TMEM106B: variants seen among roughly 807,000 people sequenced by gnomAD.
TMEM106B encodes the protein transmembrane protein 106B.
A neutral mutation model predicts 31.1 loss-of-function variants in TMEM106B; 15 were observed. The observed-to-expected ratio is 0.48, with a 90% confidence interval of 0.32 to 0.74. The LOEUF (loss-of-function observed/expected upper bound fraction) is 0.74. Among genes scored for constraint, TMEM106B ranks in the 30% least tolerant of loss-of-function variants. The probability of loss-of-function intolerance (pLI) is 0.03; values close to 1 mark genes in which losing one functional copy is unlikely to be tolerated. For missense variants in TMEM106B, 283 were observed against 327.3 expected (o/e 0.86, Z 1.04); for synonymous variants, 126 against 112.5 (o/e 1.12, Z -0.76).
At position 12,232,057 on chromosome 7, in the gene TMEM106B, G is replaced by T. The variant is rs1782036957; in HGVS notation, c.*82G>T. 2.9e-6 allele frequency: 4 copies of T among 1,376,854 alleles called. No individual in the cohort carries two copies. In the South Asian group the frequency reaches 6.2e-5, roughly 21 times the overall value. The allele number at this position is 1,376,854 out of a possible 1,614,324, so 85.3% of individuals were successfully genotyped here. Reference sequence around the variant, plus strand: ...AATGAAGAGGTATTTCCTAATAGGAGACCTTAAATTGAACAAACCTAAAGT... The same window carrying T: ...AATGAAGAGGTATTTCCTAATAGGATACCTTAAATTGAACAAACCTAAAGT... On this transcript the variant is annotated 3_prime_UTR_variant, in exon 8 of 8. Transcript: ENST00000396668.
chr7:12,233,138 T>G lies in TMEM106B; in HGVS notation c.*1163T>G, dbSNP rs1051479144. ...ATGATGCCTCTAGTAGTTACTTTTTTATAGTTTTCTACTTTTGGTTTTATT... is the reference window on the plus strand; with the variant it reads ...ATGATGCCTCTAGTAGTTACTTTTTGATAGTTTTCTACTTTTGGTTTTATT... On this transcript the variant is annotated 3_prime_UTR_variant, in exon 8 of 8. Transcript: ENST00000396668. 6.6e-6 allele frequency: 1 copy of G among 151,774 alleles called. No individual in the cohort carries two copies. Among genetic ancestry groups the G allele is most frequent in the Admixed American group, 6.6e-5 (1 of 15,224 alleles). 9.4% of individuals were successfully genotyped at this position (151,774 alleles called of 1,614,324 possible).
At chr7:12,221,750 G>A (rs551863011) in intron 3 of TMEM106B, among the ~76,000 whole-genome samples, 1 of 152,316 alleles carries the variant, frequency 6.6e-6, no homozygotes, top group South Asian at 2.1e-4. Context: ...AATGGAGATG[G>A]AACTGGGTGT....
intron 4 of TMEM106B, among the ~76,000 whole-genome samples, chr7:12,227,254 T>G (rs1287593745): frequency 6.6e-6 from 1 of 152,072 alleles, no homozygotes; most frequent in Non-Finnish European, 1.5e-5. Context: ...CTGCTTTGCT[T>G]TCTTAAAATG....
At chr7:12,226,793 T>C (rs1361967674) in intron 4 of TMEM106B, among the ~76,000 whole-genome samples, 3 of 152,138 alleles carry the variant, frequency 2.0e-5, no homozygotes, top group Admixed American at 2.0e-4. Context: ...TAGGAAAATA[T>C]ACGTATATGT....
intron 4 of TMEM106B, among the ~76,000 whole-genome samples, chr7:12,225,936 C>G (rs1355369960): frequency 1.3e-5 from 2 of 152,158 alleles, no homozygotes; most frequent in African/African-American, 2.4e-5. Flanking sequence ...TTGCCCATGC[C>G]TACATCCTGA....
rs1782000182 is a variant in TMEM106B at position 12,230,548 on chromosome 7, ATTATGTAGTATTCTGGCTT to A, written c.632+111_632+129del. 23 of 681,794 alleles carry A rather than the reference ATTATGTAGTATTCTGGCTT, an allele frequency of 3.4e-5. No individual in the cohort carries two copies. The East Asian group carries it at 6.7e-4, about 20-fold the overall frequency. The allele number at this position is 681,794 out of a possible 1,614,324, so 42.2% of individuals were successfully genotyped here. On this transcript the variant is annotated intron_variant, in intron 6 of 7. Transcript: ENST00000396668. ...TTCCGTTATCAGTCAAAAAGAGTAC[ATTATGTAGTATTCTGGCTT>A]CTGGTCCTCTCTGTTCCTCTTTTTC... is the stretch of plus-strand genomic sequence containing the variant.
chr7:12,218,899 G>A (rs1018800104), intron 3 of TMEM106B, among the ~76,000 whole-genome samples: 1 of 152,128 alleles, frequency 6.6e-6, no homozygotes, highest in African/African-American at 2.4e-5. Flanking sequence ...GCTGTGTGGA[G>A]GTTGTGAAGG....
At position 12,232,237 on chromosome 7, in the gene TMEM106B, TGATACTTCCCCTATA is replaced by T. The variant is rs1285038045; in HGVS notation, c.*264_*278del. The T allele has an allele frequency of 3.8e-6, 1 of 259,900 alleles. No homozygotes were observed. Among genetic ancestry groups the T allele is most frequent in the East Asian group, 6.5e-5 (1 of 15,490 alleles). 16.1% of individuals were successfully genotyped at this position (259,900 alleles called of 1,614,324 possible). ...CAGCCTATCCCCTACAGGGAAAAGC[TGATACTTCCCCTATA>T]GTACAATAAATAATTATTTAAAAGT... On this transcript the variant is annotated 3_prime_UTR_variant, in exon 8 of 8. Coordinates refer to ENST00000396668, the MANE Select transcript of TMEM106B (RefSeq NM_001134232.2).
At chr7:12,213,812 A>G (rs1033368850) in intron 1 of TMEM106B, among the ~76,000 whole-genome samples, 8 of 152,194 alleles carry the variant, frequency 5.3e-5, no homozygotes, top group Admixed American at 4.6e-4. Flanking sequence ...TCTGTAAACC[A>G]AAAATAAAAT....
At chr7:12,222,130 A>G (rs1295196840) in intron 3 of TMEM106B, among the ~76,000 whole-genome samples, 1 of 152,190 alleles carries the variant, frequency 6.6e-6, no homozygotes, top group African/African-American at 2.4e-5. Context: ...AGAGGAAGAA[A>G]AGTAAATTGC....
Position 12,232,044 on chromosome 7 carries a change from T to G in TMEM106B, c.*69T>G. On this transcript the variant is annotated 3_prime_UTR_variant, in exon 8 of 8. Transcript: ENST00000396668. ...TTCCTATACTCTCAATGAAGAGGTA[T>G]TTCCTAATAGGAGACCTTAAATTGA... is the stretch of plus-strand genomic sequence containing the variant. The G allele has an allele frequency of 4.8e-6, 7 of 1,473,494 alleles. No individual in the cohort carries two copies. Among genetic ancestry groups the G allele is most frequent in the African/African-American group, 1.4e-5 (1 of 71,606 alleles). The allele number at this position is 1,473,494 out of a possible 1,614,324, so 91.3% of individuals were successfully genotyped here. A position where few individuals can be genotyped will look rare whatever the true frequency, so the allele number is the denominator to read the frequency against.
intron 4 of TMEM106B, among the ~76,000 whole-genome samples, chr7:12,229,413 T>A (rs1781966844): frequency 6.6e-6 from 1 of 152,206 alleles, no homozygotes; most frequent in Admixed American, 6.5e-5. Context: ...TTTAATAGAA[T>A]AGGAAACAGC....
chr7:12,225,155 A>G (rs984213501), intron 4 of TMEM106B, among the ~76,000 whole-genome samples: 2 of 152,098 alleles, frequency 1.3e-5, no homozygotes, highest in African/African-American at 4.8e-5. Flanking sequence ...GCTTAGAATG[A>G]TGGTTTCCAG....
In TMEM106B at chr7:12,240,141, C is replaced by G. The variant is rs1400489017; in HGVS notation, c.*8166C>G. 6.6e-6 allele frequency: 1 copy of G among 152,150 alleles called. No homozygotes were observed. The highest frequency in any genetic ancestry group is 6.6e-5 in the Admixed American group (1 of 15,262). The allele number at this position is 152,150 out of a possible 1,614,324, so 9.4% of individuals were successfully genotyped here. The stretch of plus-strand genomic sequence containing the variant: ...CAGTTCACAATCATTTCTTATTGCC[C>G]TTCAACAATGTCCTGACCAAATCGA... On this transcript the variant is annotated 3_prime_UTR_variant, in exon 8 of 8. Coordinates refer to ENST00000396668, the MANE Select transcript of TMEM106B (RefSeq NM_001134232.2).
At chr7:12,224,874 T>C (rs1054436584) in intron 4 of TMEM106B, among the ~76,000 whole-genome samples, 3 of 152,088 alleles carry the variant, frequency 2.0e-5, no homozygotes, top group African/African-American at 7.2e-5. Flanking sequence ...TGCCGTGTTT[T>C]TTTTTTTTTA....
Position 12,238,326 on chromosome 7 carries a change from C to G in TMEM106B, c.*6351C>G, listed in dbSNP as rs1228466201. ...AGCAATTCAGTCACATCTACAGACT[C>G]CATTGCTAAATTTTAGTTCTCTTGC... On this transcript the variant is annotated 3_prime_UTR_variant, in exon 8 of 8. Transcript: ENST00000396668. 1 of 152,418 alleles carries G rather than the reference C, an allele frequency of 6.6e-6. No individual in the cohort carries two copies. Among genetic ancestry groups the G allele is most frequent in the Non-Finnish European group, 1.5e-5 (1 of 68,224 alleles). 9.4% of individuals were successfully genotyped at this position (152,418 alleles called of 1,614,324 possible). A position where few individuals can be genotyped will look rare whatever the true frequency, so the allele number is the denominator to read the frequency against.
chr7:12,228,044 A>G (rs368871992), intron 4 of TMEM106B, among the ~76,000 whole-genome samples: 89 of 152,022 alleles, frequency 5.9e-4, no homozygotes, highest in Admixed American at 1.0e-3. Context: ...CAAATTAACT[A>G]TCTCTTTCCT....
chr7:12,231,576 C>T (rs925005496), intron 7 of TMEM106B: 2 of 313,230 alleles, frequency 6.4e-6, no homozygotes, highest in African/African-American at 4.3e-5. Context: ...ATATAATGAA[C>T]TTTTATATTT....
Position 12,213,792 on chromosome 7 carries a change from T to TA in TMEM106B, c.-2-1015dup, listed in dbSNP as rs570397133. On this transcript the variant is annotated intron_variant, in intron 1 of 7. Transcript: ENST00000396668. ...CCAAAAGGTAGTTTGAACATTCTCT[T>TA]AATGTTTGTTCTGTAAACCAAAAAT... Among the ~76,000 whole-genome samples the TA allele has an allele frequency of 3.1e-3, 478 of 152,342 alleles. 1 individual carries two copies. The highest frequency in any genetic ancestry group is 5.6e-3 in the Non-Finnish European group (378 of 68,036).
Sources: allele counts gnomAD v4.1 joint callset (sites outside exome capture counted in the v4.1 genomes callset), GRCh38; gene constraint gnomAD v4.1.1; transcripts MANE v1.5; gene names NCBI Gene and HGNC (gene_info 2026-07-23, HGNC 2026-07-21).